The following ENOX1 variants were observed in gnomAD, a reference collection of about 807,000 sequenced individuals.
ENOX1 encodes ecto-NOX disulfide-thiol exchanger 1.
ENOX1 carries 42 observed loss-of-function variants against 82.5 expected under a neutral mutation model. The observed-to-expected ratio is 0.51, with a 90% CI of 0.40 to 0.66. The LOEUF is 0.66. ENOX1 is among the 30% of genes least tolerant of loss of function. The probability of loss-of-function intolerance (pLI) is 0.00; values close to 1 mark genes in which losing one functional copy is unlikely to be tolerated. For missense variants in ENOX1, 608 were observed against 811.6 expected (o/e 0.75, Z 3.05); for synonymous variants, 271 against 282.2 (o/e 0.96, Z 0.40).
chr13:43,420,769 T>C (rs2054926033), intron 3 of ENOX1, among the ~76,000 whole-genome samples: 2 of 152,174 alleles, frequency 1.3e-5, no homozygotes, highest in African/African-American at 2.4e-5. Context: ...TTACTCCTTA[T>C]TTCTTAGATA....
chr13:43,534,429 GATA>G (rs1046140794), intron 2 of ENOX1, among the ~76,000 whole-genome samples: 2 of 151,480 alleles, frequency 1.3e-5, no homozygotes, highest in Non-Finnish European at 2.9e-5. Context: ...AGTTTCCAGG[GATA>G]ATATTTTACC....
intron 11 of ENOX1, among the ~76,000 whole-genome samples, chr13:43,303,461 G>A (rs1228973518): frequency 1.3e-5 from 2 of 152,162 alleles, no homozygotes; most frequent in Non-Finnish European, 2.9e-5. Context: ...TCTTTGTATA[G>A]AGCAGTGTTG....
chr13:43,441,052 C>T (rs989856724), intron 3 of ENOX1, among the ~76,000 whole-genome samples: 5 of 152,092 alleles, frequency 3.3e-5, no homozygotes, highest in Non-Finnish European at 7.4e-5. Context: ...ATAACCAGTA[C>T]GCTTCAAAAA....
intron 3 of ENOX1, among the ~76,000 whole-genome samples, chr13:43,435,064 G>T (rs542649404): frequency 6.7e-6 from 1 of 149,020 alleles, no homozygotes; most frequent in Admixed American, 6.8e-5. Flanking sequence ...TACCCGGCAC[G>T]CAGAAGACGG....
chr13:43,264,421 G>T (rs2044252355), intron 14 of ENOX1, among the ~76,000 whole-genome samples: 1 of 152,098 alleles, frequency 6.6e-6, no homozygotes, highest in Admixed American at 6.6e-5. Context: ...TGTTCCCCTA[G>T]AACTTAGCAG....
At chr13:43,498,184 A>C (rs1457988228) in intron 2 of ENOX1, among the ~76,000 whole-genome samples, 1 of 152,072 alleles carries the variant, frequency 6.6e-6, no homozygotes, top group Non-Finnish European at 1.5e-5. Flanking sequence ...CATCTTTATT[A>C]GTTTGTTTTA....
At chr13:43,416,811 C>T (rs149833378) in intron 3 of ENOX1, among the ~76,000 whole-genome samples, 4,814 of 151,666 alleles carry the variant, frequency 0.032, 232 homozygotes, top group African/African-American at 0.1. Context: ...GATGGGGTGG[C>T]GGCCGGGCAG....
chr13:43,366,114 T>C (rs1485068238), intron 5 of ENOX1, among the ~76,000 whole-genome samples: 1 of 152,244 alleles, frequency 6.6e-6, no homozygotes, highest in African/African-American at 2.4e-5. Flanking sequence ...TATAATGTCA[T>C]TGAATTTGTA....
intron 2 of ENOX1, among the ~76,000 whole-genome samples, chr13:43,537,109 C>A (rs559005224): frequency 6.4e-4 from 98 of 152,232 alleles, no homozygotes; most frequent in Admixed American, 2.3e-3. Flanking sequence ...AGAGAAACTG[C>A]AATAAATGCA....
At chr13:43,240,802 CT>C (rs2042786964) in intron 14 of ENOX1, among the ~76,000 whole-genome samples, 1 of 152,228 alleles carries the variant, frequency 6.6e-6, no homozygotes, top group African/African-American at 2.4e-5. Context: ...GCTCTGACAG[CT>C]CTTTTTATGG....
chr13:43,660,070 A>G (rs770083484), intron 2 of ENOX1, among the ~76,000 whole-genome samples: 1 of 152,134 alleles, frequency 6.6e-6, no homozygotes, highest in Non-Finnish European at 1.5e-5. Context: ...TTCAACCAAT[A>G]CTTCTCAACT....
At chr13:43,686,898 C>T (rs1365950414) in intron 1 of ENOX1, among the ~76,000 whole-genome samples, 1 of 152,082 alleles carries the variant, frequency 6.6e-6, no homozygotes, top group Admixed American at 6.6e-5. Flanking sequence ...CCATCACAGC[C>T]CCAAAGAAAG....
At chr13:43,695,718 G>A (rs1434309021) in intron 1 of ENOX1, among the ~76,000 whole-genome samples, 1 of 152,082 alleles carries the variant, frequency 6.6e-6, no homozygotes, top group Non-Finnish European at 1.5e-5. Flanking sequence ...AAAGTGCTGG[G>A]ATTACAGGCG....
At chr13:43,690,729 G>T (rs1594424916) in intron 1 of ENOX1, among the ~76,000 whole-genome samples, 1 of 152,150 alleles carries the variant, frequency 6.6e-6, no homozygotes, top group Non-Finnish European at 1.5e-5. Flanking sequence ...TACTTTTATA[G>T]GGTCATCATT....
intron 3 of ENOX1, among the ~76,000 whole-genome samples, chr13:43,457,351 AG>A (rs1170348742): frequency 6.6e-6 from 1 of 152,196 alleles, no homozygotes; most frequent in Non-Finnish European, 1.5e-5. Context: ...AGGGATTATC[AG>A]GCAAGGTCAA....
At chr13:43,656,380 T>C (rs192855119) in intron 2 of ENOX1, among the ~76,000 whole-genome samples, 21 of 152,280 alleles carry the variant, frequency 1.4e-4, no homozygotes, top group Non-Finnish European at 2.2e-4. Context: ...ATTAAGACTT[T>C]AAAGATCACC....
intron 5 of ENOX1, among the ~76,000 whole-genome samples, chr13:43,407,660 T>A (rs191325859): frequency 2.4e-3 from 359 of 152,310 alleles, no homozygotes; most frequent in African/African-American, 7.5e-3. Flanking sequence ...CACATTAGCA[T>A]AGTAAAGGCC....
At chr13:43,607,268 C>T (rs1173793444) in intron 2 of ENOX1, among the ~76,000 whole-genome samples, 1 of 151,954 alleles carries the variant, frequency 6.6e-6, no homozygotes, top group Non-Finnish European at 1.5e-5. Context: ...AAAAAAAAAT[C>T]ACAGAGTATT....
chr13:43,669,952 C>A (rs2085175840), intron 1 of ENOX1, among the ~76,000 whole-genome samples: 1 of 152,100 alleles, frequency 6.6e-6, no homozygotes, highest in South Asian at 2.1e-4. Flanking sequence ...TCATTCTACC[C>A]CTGGTTCTCC....
Sources: allele counts gnomAD v4.1 joint callset (sites outside exome capture counted in the v4.1 genomes callset), GRCh38; gene constraint gnomAD v4.1.1; transcripts MANE v1.5; gene names NCBI Gene and HGNC (gene_info 2026-07-23, HGNC 2026-07-21).